The following TRPM3 variants were observed in gnomAD, a reference collection of about 807,000 sequenced individuals.
TRPM3 encodes transient receptor potential cation channel subfamily M member 3.
In TRPM3, 77 loss-of-function variants were observed where a neutral mutation model predicts 181.2. That is an observed-to-expected ratio of 0.42 (90% confidence interval 0.35 to 0.51). The LOEUF is 0.51. TRPM3 is among the 20% of genes least tolerant of loss of function. TRPM3 has a pLI of 0.01. For synonymous variants in TRPM3, 745 were observed against 796.4 expected (o/e 0.94, Z 1.09); for missense variants, 1,759 against 2,196.7 (o/e 0.80, Z 3.98).
intron 1 of TRPM3, among the ~76,000 whole-genome samples, chr9:71,254,372 A>C (rs112834996): frequency 9.2e-5 from 14 of 152,356 alleles, no homozygotes; most frequent in African/African-American, 3.4e-4. Flanking sequence ...TGGTCAAAGA[A>C]TATAAAATTT....
At chr9:70,549,465 C>T (rs1023836198) in intron 25 of TRPM3, 77 bp downstream of exon 25, 14 of 1,492,076 alleles carry the variant, frequency 9.4e-6, no homozygotes, top group Non-Finnish European at 1.1e-5. Context: ...TGTTTTGTGA[C>T]CGTGTGAATA....
intron 22 of TRPM3, among the ~76,000 whole-genome samples, chr9:70,570,592 C>T (rs1309334791): frequency 1.3e-5 from 2 of 152,152 alleles, no homozygotes; most frequent in African/African-American, 4.8e-5. Context: ...GGATTACAGG[C>T]ATAAGCCACG....
chr9:70,561,252 C>G (rs1015500342), intron 22 of TRPM3, among the ~76,000 whole-genome samples: 11 of 152,298 alleles, frequency 7.2e-5, no homozygotes, highest in African/African-American at 2.6e-4. Context: ...CTATACAGTT[C>G]GCCATGGAGG....
intron 20 of TRPM3, among the ~76,000 whole-genome samples, chr9:70,602,106 C>CT (rs6151027): frequency 0.028 from 3,626 of 128,166 alleles, 183 homozygotes; most frequent in African/African-American, 0.097. Context: ...CAAGGCATTC[C>CT]TTTTTTTTTT....
intron 1 of TRPM3, among the ~76,000 whole-genome samples, chr9:70,935,039 C>T (rs575266173): frequency 1.3e-5 from 2 of 152,092 alleles, no homozygotes; most frequent in African/African-American, 4.8e-5. Flanking sequence ...CAACACTAAC[C>T]CACTTCCCAG....
Position 71,323,829 on chromosome 9 carries a change from C to T in TRPM3, c.183+122824G>A, listed in dbSNP as rs183317220. On this transcript the variant is annotated intron_variant, in intron 1 of 24. Transcript: ENST00000357533. Reference sequence around the variant, plus strand: ...CTAGAAGAGAGAAAGAAAGGGAGCTCGTTACTGGATTTCTCTTCTGATCCA... The same window carrying T: ...CTAGAAGAGAGAAAGAAAGGGAGCTTGTTACTGGATTTCTCTTCTGATCCA... 1.2e-4 allele frequency among the ~76,000 whole-genome samples: 18 copies of T among 152,002 alleles called. No individual in the cohort carries two copies. The East Asian group carries it at 1.7e-3, about 15-fold the overall frequency.
chr9:71,093,908 A>G (rs1591363535), intron 1 of TRPM3, among the ~76,000 whole-genome samples: 1 of 152,152 alleles, frequency 6.6e-6, no homozygotes, highest in Non-Finnish European at 1.5e-5. Context: ...ATGCAGCCAT[A>G]AAAAAGAATG....
chr9:71,083,840 T>G (rs1276451354), intron 1 of TRPM3, among the ~76,000 whole-genome samples: 8 of 151,914 alleles, frequency 5.3e-5, no homozygotes, highest in Admixed American at 2.6e-4. Context: ...CCTGTATATA[T>G]ATGCAGTGTG....
At position 71,111,151 on chromosome 9, in the gene TRPM3, T is replaced by A. The variant is rs141275267; in HGVS notation, c.177+10027A>T. 6.6e-5 allele frequency among the ~76,000 whole-genome samples: 10 copies of A among 152,334 alleles called. No homozygotes were observed. In the East Asian group the frequency reaches 1.3e-3, roughly 21 times the overall value. On this transcript the variant is annotated intron_variant, in intron 1 of 25. Coordinates refer to ENST00000677713, the MANE Select transcript of TRPM3 (RefSeq NM_001366145.2). ...CATTCGATTTTCTTACAAGAGATGATTGACAATAAGATGAGAAAATGATTT... is the reference window on the plus strand; with the variant it reads ...CATTCGATTTTCTTACAAGAGATGAATGACAATAAGATGAGAAAATGATTT...
At chr9:70,661,967 A>C (rs2061199005) in intron 9 of TRPM3, among the ~76,000 whole-genome samples, 1 of 152,184 alleles carries the variant, frequency 6.6e-6, no homozygotes, top group African/African-American at 2.4e-5. Context: ...TAGCCAAAGA[A>C]ATACTAAGCT....
chr9:70,532,772 G>C lies in TRPM3; in HGVS notation c.*3181C>G, dbSNP rs1479184919. On this transcript the variant is annotated 3_prime_UTR_variant, in exon 26 of 26. Coordinates refer to ENST00000677713, the MANE Select transcript of TRPM3 (RefSeq NM_001366145.2). ...TTGAGCTCTCTATGACTTTATTTAC[G>C]GTCCTCAGTAACTTGCTGCTCATAA... is the stretch of plus-strand genomic sequence containing the variant. The C allele has an allele frequency of 6.6e-6, 1 of 152,026 alleles. No homozygotes were observed. Among genetic ancestry groups the C allele is most frequent in the Non-Finnish European group, 1.5e-5 (1 of 68,026 alleles). 9.4% of individuals were successfully genotyped at this position (152,026 alleles called of 1,614,324 possible).
chr9:70,580,849 C>T (rs138776905), intron 22 of TRPM3, among the ~76,000 whole-genome samples: 1,587 of 152,346 alleles, frequency 0.01, 22 homozygotes, highest in African/African-American at 0.036. Flanking sequence ...TAAGTCCTTA[C>T]ACAACACCTC....
At chr9:71,190,763 C>T (rs530251301) in intron 1 of TRPM3, among the ~76,000 whole-genome samples, 54 of 151,894 alleles carry the variant, frequency 3.6e-4, no homozygotes, top group African/African-American at 1.3e-3. Flanking sequence ...AATGCCATGT[C>T]CTCTGTTCTA....
intron 1 of TRPM3, among the ~76,000 whole-genome samples, chr9:70,966,019 A>G (rs553344874): frequency 6.6e-6 from 1 of 151,002 alleles, no homozygotes; most frequent in East Asian, 1.9e-4. Flanking sequence ...CCAGCATCTA[A>G]AAAAACAAAC....
intron 1 of TRPM3, among the ~76,000 whole-genome samples, chr9:71,292,536 T>C (rs2085904813): frequency 6.6e-6 from 1 of 151,904 alleles, no homozygotes; most frequent in Admixed American, 6.6e-5. Context: ...TTCTTAGAAA[T>C]GTGTGAATTA....
At chr9:71,183,365 G>A (rs556112817) in intron 1 of TRPM3, among the ~76,000 whole-genome samples, 78 of 152,142 alleles carry the variant, frequency 5.1e-4, no homozygotes, top group Middle Eastern at 3.4e-3. Flanking sequence ...GATCTTTTTC[G>A]TGGAAGTTCT....
At chr9:70,614,570 G>GT (rs1363673171) in intron 18 of TRPM3, among the ~76,000 whole-genome samples, 1 of 152,170 alleles carries the variant, frequency 6.6e-6, no homozygotes, top group Non-Finnish European at 1.5e-5. Flanking sequence ...GATTCCATTA[G>GT]TAAGTATGTG....
intron 1 of TRPM3, among the ~76,000 whole-genome samples, chr9:71,068,553 G>A (rs1458835104): frequency 6.6e-6 from 1 of 152,186 alleles, no homozygotes; most frequent in Non-Finnish European, 1.5e-5. Flanking sequence ...ACAGCTGTGT[G>A]TCTTAGAGTG....
intron 22 of TRPM3, among the ~76,000 whole-genome samples, chr9:70,553,520 A>T (rs776834167): frequency 2.6e-5 from 4 of 152,100 alleles, no homozygotes; most frequent in Non-Finnish European, 4.4e-5. Context: ...CCTCGGTTCC[A>T]CAGTCTCCCC....
Sources: allele counts gnomAD v4.1 joint callset (sites outside exome capture counted in the v4.1 genomes callset), GRCh38; gene constraint gnomAD v4.1.1; transcripts MANE v1.5; gene names NCBI Gene and HGNC (gene_info 2026-07-23, HGNC 2026-07-21).